Variants in INSR observed in about 807,000 individuals in gnomAD.
INSR encodes the protein insulin receptor, also known as IR.
Under a neutral mutation model 142.6 loss-of-function variants are expected in INSR, and 67 were observed. The observed-to-expected ratio is 0.47, with a 90% CI of 0.39 to 0.58. The LOEUF is 0.58. Ranked by LOEUF, INSR falls within the 20% of genes least tolerant of loss-of-function variation. The pLI is 0.00. For missense variants in INSR, 1,248 were observed against 1,833.2 expected (o/e 0.68, Z 5.83); for synonymous variants, 756 against 743.1 (o/e 1.02, Z -0.28).
intron 4 of INSR, 112 bp downstream of exon 4, chr19:7,174,471 A>T: frequency 1.6e-6 from 2 of 1,243,274 alleles, no homozygotes; most frequent in Non-Finnish European, 2.4e-6. Flanking sequence ...GACCATCCTA[A>T]AAGTGCTGTA....
chr19:7,135,304 C>CTTTTTT (rs34080394), intron 13 of INSR, among the ~76,000 whole-genome samples: 5 of 60,034 alleles, frequency 8.3e-5, no homozygotes, highest in Non-Finnish European at 1.2e-4. Context: ...AATGCATCTT[C>CTTTTTT]TTTTTTTTTT....
chr19:7,246,280 A>C (rs900510037), intron 2 of INSR, among the ~76,000 whole-genome samples: 9 of 152,254 alleles, frequency 5.9e-5, no homozygotes, highest in Middle Eastern at 3.4e-3. Context: ...ACAGAAACTC[A>C]AAAGGCACTT....
At chr19:7,286,165 TA>T (rs1968340215) in intron 1 of INSR, among the ~76,000 whole-genome samples, 3 of 151,370 alleles carry the variant, frequency 2.0e-5, no homozygotes, top group East Asian at 4.0e-4. Context: ...TAGGGTTTTG[TA>T]GAGACGGGGT....
intron 2 of INSR, among the ~76,000 whole-genome samples, chr19:7,205,905 C>A (rs113990893): frequency 0.12 from 18,203 of 152,014 alleles, 1,208 homozygotes; most frequent in South Asian, 0.19. Flanking sequence ...TCCCATCAGA[C>A]CTGCGAGCCA....
intron 19 of INSR, among the ~76,000 whole-genome samples, chr19:7,122,138 T>C (rs1010017807): frequency 7.3e-6 from 1 of 137,732 alleles, no homozygotes; most frequent in Non-Finnish European, 1.5e-5. Context: ...CAAGACTCCA[T>C]GTCAGAAAAA....
chr19:7,290,944 C>T (rs1032789313), intron 1 of INSR, among the ~76,000 whole-genome samples: 3 of 148,932 alleles, frequency 2.0e-5, no homozygotes, highest in African/African-American at 7.5e-5. Context: ...GTGGAACACG[C>T]CTGTAATCCC....
chr19:7,262,110 T>G (rs1977082466), intron 2 of INSR, among the ~76,000 whole-genome samples: 2 of 152,220 alleles, frequency 1.3e-5, no homozygotes, highest in Admixed American at 1.3e-4. Context: ...TTCTGTCACC[T>G]AAGACAGGGG....
At chr19:7,239,179 T>C (rs1381470181) in intron 2 of INSR, among the ~76,000 whole-genome samples, 1 of 152,142 alleles carries the variant, frequency 6.6e-6, no homozygotes, top group Non-Finnish European at 1.5e-5. Flanking sequence ...CAAAGCACAA[T>C]TGAAATGCTG....
intron 2 of INSR, among the ~76,000 whole-genome samples, chr19:7,212,908 T>G (rs1975318494): frequency 6.6e-6 from 1 of 151,946 alleles, no homozygotes; most frequent in African/African-American, 2.4e-5. Context: ...TCCATCTGCT[T>G]CTGTACCACC....
intron 12 of INSR, among the ~76,000 whole-genome samples, 192 bp downstream of exon 12, chr19:7,142,624 C>T (rs1219441790): frequency 6.6e-6 from 1 of 151,924 alleles, no homozygotes; most frequent in African/African-American, 2.4e-5. Flanking sequence ...ACATAGGTGG[C>T]AGAGGCTGGA....
At chr19:7,121,288 C>T (rs180946806) in intron 19 of INSR, among the ~76,000 whole-genome samples, 16 of 151,894 alleles carry the variant, frequency 1.1e-4, no homozygotes, top group Admixed American at 9.8e-4. Flanking sequence ...GGTGAGCCAC[C>T]GCACCTGGCC....
In INSR at chr19:7,264,098, G is replaced by A. The variant is rs1388099395; in HGVS notation, c.652+3247C>T. On this transcript the variant is annotated intron_variant, in intron 2 of 21. Coordinates refer to ENST00000302850, the MANE Select transcript of INSR (RefSeq NM_000208.4). ...GCAGGAGAATCGCTTGAAGCCAGGA[G>A]GCAGAAATTGCGGTGAGCCAAGATC... 2.0e-5 allele frequency among the ~76,000 whole-genome samples: 3 copies of A among 152,056 alleles called. No individual in the cohort carries two copies. In the East Asian group the frequency reaches 5.8e-4, roughly 29 times the overall value.
At chr19:7,194,862 C>CT (rs950051859) in intron 2 of INSR, among the ~76,000 whole-genome samples, 45 of 151,774 alleles carry the variant, frequency 3.0e-4, no homozygotes, top group African/African-American at 1.0e-3. Flanking sequence ...TCTCTTTTTT[C>CT]TTTTTTTCAT....
In INSR at chr19:7,125,035, T is replaced by C. The variant is rs2144813238; in HGVS notation, c.3258+248A>G. ...GATTCCAGAAAGTGATGAAAGATTC[T>C]GGAAAGCAATGAAACATTCCAGAAA... On this transcript the variant is annotated intron_variant, in intron 17 of 21. Transcript: ENST00000302850. This position sits in a 1 kb window ranked among gnomAD's most constrained non-coding sequence, Gnocchi z 4.9. Among the ~76,000 whole-genome samples the C allele has an allele frequency of 6.6e-6, 1 of 152,218 alleles. No homozygotes were observed. The highest frequency in any genetic ancestry group is 2.1e-4 in the South Asian group (1 of 4,826).
At chr19:7,282,980 G>GTAATAATAATAATAA (rs56796695) in intron 1 of INSR, among the ~76,000 whole-genome samples, 15 of 146,416 alleles carry the variant, frequency 1.0e-4, no homozygotes, top group African/African-American at 3.8e-4. Context: ...CTCAAAAAAA[G>GTAATAATAATAATAA]TAATAATAAT....
At chr19:7,158,576 A>T (rs986727185) in intron 9 of INSR, among the ~76,000 whole-genome samples, 3 of 152,126 alleles carry the variant, frequency 2.0e-5, no homozygotes, top group African/African-American at 7.2e-5. Flanking sequence ...GACAGAAAGG[A>T]GGATGGTGGG....
At chr19:7,207,047 G>C (rs1315225196) in intron 2 of INSR, among the ~76,000 whole-genome samples, 1 of 152,238 alleles carries the variant, frequency 6.6e-6, no homozygotes, top group East Asian at 1.9e-4. Context: ...ATTACTCTCT[G>C]AGGCCTGTGA....
rs773888335 is a variant in INSR, at chr19:7,142,875, T to A, written c.2483A>T (p.Asp828Val). The change falls in exon 12 of 22, where the codon GAC becomes GTC. Residue 828 changes from aspartate (D) to valine (V), a missense_variant. Around this residue, in one of 3 missense-constraint regions of INSR, gnomAD observed 1,069 missense variants for 1,654.0 expected, o/e 0.65. Transcript: ENST00000302850. ...CACACTGCACCGTTCCTCAGGGGTG[T>A]CCTGGTTGCAAGCCTGCAGCTCGAT... is the stretch of plus-strand genomic sequence containing the variant. Reference protein sequence around the residue: ...YRIELQACNQDTPEERCSVAA... With the variant: ...YRIELQACNQVTPEERCSVAA... 2.5e-6 allele frequency: 4 copies of A among 1,614,054 alleles called. No individual in the cohort carries two copies. The highest frequency in any genetic ancestry group is 2.5e-6 in the Non-Finnish European group (3 of 1,180,030).
intron 4 of INSR, among the ~76,000 whole-genome samples, chr19:7,173,038 C>T (rs190640282): frequency 3.9e-5 from 6 of 152,094 alleles, no homozygotes; most frequent in East Asian, 1.9e-4. Context: ...CATATTACAA[C>T]GGCAGAGTTG....
Sources: gnomAD v4.1 joint callset for allele counts (sites outside exome capture counted in the v4.1 genomes callset) on GRCh38, gnomAD v4.1.1 for gene constraint, gnomAD v4.1.1 regional missense constraint, Gnocchi (gnomAD v3.1) non-coding constraint, MANE v1.5 for transcripts, NCBI Gene and HGNC (gene_info 2026-07-23, HGNC 2026-07-21) for gene names.